KCNK9: variants seen among roughly 807,000 people sequenced by gnomAD.
KCNK9 encodes potassium channel subfamily K member 9.
A neutral mutation model predicts 10.8 loss-of-function variants in KCNK9; 1 was observed. That is an observed-to-expected ratio of 0.09 (90% CI 0.03 to 0.44). The LOEUF (loss-of-function observed/expected upper bound fraction) is 0.44. Among genes scored for constraint, KCNK9 ranks in the 20% least tolerant of loss-of-function variants. The pLI is 0.97. For synonymous variants in KCNK9, 231 were observed against 222.7 expected (o/e 1.04, Z -0.33); for missense variants, 303 against 515.0 (o/e 0.59, Z 3.98).
In KCNK9 at chr8:139,618,337, G is replaced by A. The variant is rs866844688; in HGVS notation, c.1046C>T (p.Ser349Leu). 4 of 1,614,180 alleles carry A rather than the reference G, an allele frequency of 2.5e-6. No individual in the cohort carries two copies. Among genetic ancestry groups the A allele is most frequent in the Non-Finnish European group, 3.4e-6 (4 of 1,180,026 alleles). ...CCCAGGAGAGATGGAGCTAATAGGC[G>A]ATGGGAAGAGGCTGTTTTTTAATGT... ...PSTLKNSLFP[S>L]PISSISPGLH... Residue 349 changes from serine to leucine, a missense_variant, in exon 2 of 2, where the codon TCG becomes TTG. By Grantham distance (145) the Ser-to-Leu change is moderately radical. Transcript: ENST00000520439. The surrounding 1 kb of genome is among the most constrained non-coding windows in gnomAD (Gnocchi z 7.9).
chr8:139,678,412 G>A (rs761813725), intron 1 of KCNK9, among the ~76,000 whole-genome samples: 4 of 152,208 alleles, frequency 2.6e-5, no homozygotes, highest in Admixed American at 2.0e-4. Flanking sequence ...CTCTTAGGAA[G>A]CCCCACTCCT....
chr8:139,696,128 G>C (rs1258963417), intron 1 of KCNK9, among the ~76,000 whole-genome samples: 1 of 152,046 alleles, frequency 6.6e-6, no homozygotes, highest in East Asian at 1.9e-4. Context: ...CTCCTCACCA[G>C]ATCAGAACCC....
At chr8:139,630,465 G>A (rs1025816843) in intron 1 of KCNK9, among the ~76,000 whole-genome samples, 3 of 152,148 alleles carry the variant, frequency 2.0e-5, no homozygotes, top group Non-Finnish European at 2.9e-5. Context: ...CCTAATCCTA[G>A]AGCCACACAG....
At chr8:139,691,866 A>G (rs924283629) in intron 1 of KCNK9, among the ~76,000 whole-genome samples, 31 of 152,220 alleles carry the variant, frequency 2.0e-4, no homozygotes, top group African/African-American at 7.5e-4. Context: ...GAGAAGCAGC[A>G]TGCCCCATTT....
chr8:139,665,179 CA>C (rs1816267939), intron 1 of KCNK9, among the ~76,000 whole-genome samples: 1 of 152,208 alleles, frequency 6.6e-6, no homozygotes, highest in South Asian at 2.1e-4. Flanking sequence ...AGCTAAAAAT[CA>C]AGGGGTCGCA....
downstream of KCNK9, among the ~76,000 whole-genome samples, chr8:139,611,115 T>C (rs1354438407): frequency 6.6e-6 from 1 of 152,224 alleles, no homozygotes; most frequent in Non-Finnish European, 1.5e-5. Flanking sequence ...TCAAGTCCAA[T>C]GCCCCCAGAG....
chr8:139,662,006 C>A (rs1162473936), intron 1 of KCNK9, among the ~76,000 whole-genome samples: 1 of 152,206 alleles, frequency 6.6e-6, no homozygotes, highest in African/African-American at 2.4e-5. Context: ...TCGAGAGGGG[C>A]TCAGGTCAGG....
chr8:139,605,390 A>G (rs951255603), intron 2 of KCNK9, among the ~76,000 whole-genome samples: 2 of 152,216 alleles, frequency 1.3e-5, no homozygotes, highest in African/African-American at 2.4e-5. Flanking sequence ...GTCAGCACAT[A>G]AAGTCCAAAA....
At chr8:139,601,303 C>T (rs962931121) in exon 3 of KCNK9, 5 of 152,206 alleles carry the variant, frequency 3.3e-5, no homozygotes, top group African/African-American at 9.7e-5. Context: ...GCTATGCCAG[C>T]GAGCCAGGCA....
intron 1 of KCNK9, among the ~76,000 whole-genome samples, chr8:139,656,743 C>T (rs546813834): frequency 1.3e-5 from 2 of 152,358 alleles, no homozygotes; most frequent in East Asian, 3.9e-4. Context: ...CTCCTAGTTT[C>T]CATGCAGAAG....
At chr8:139,620,837 T>A (rs1034875429) in intron 1 of KCNK9, among the ~76,000 whole-genome samples, 2 of 152,002 alleles carry the variant, frequency 1.3e-5, no homozygotes, top group Non-Finnish European at 2.9e-5. Context: ...GAAGCTGAAA[T>A]AATAGATATA....
chr8:139,674,408 G>A (rs888871866), intron 1 of KCNK9, among the ~76,000 whole-genome samples: 13 of 152,194 alleles, frequency 8.5e-5, no homozygotes, highest in Admixed American at 4.6e-4. Flanking sequence ...TGTCTGAGCC[G>A]CTCCGAGGGC....
chr8:139,635,079 G>T (rs1815298600), intron 1 of KCNK9, among the ~76,000 whole-genome samples: 1 of 152,338 alleles, frequency 6.6e-6, no homozygotes, highest in South Asian at 2.1e-4. Flanking sequence ...GCAGGAGCAG[G>T]CAGTCCTGTC....
intron 1 of KCNK9, among the ~76,000 whole-genome samples, chr8:139,648,352 G>A (rs1476216242): frequency 2.0e-5 from 3 of 152,162 alleles, no homozygotes; most frequent in Non-Finnish European, 4.4e-5. Flanking sequence ...CAGAGGTGAT[G>A]GTTGCAAGAC....
At chr8:139,699,484 G>A (rs1020211995) in intron 1 of KCNK9, among the ~76,000 whole-genome samples, 6 of 152,142 alleles carry the variant, frequency 3.9e-5, no homozygotes, top group Admixed American at 2.0e-4. Context: ...TACCTACGAG[G>A]GTCTCCCATG....
chr8:139,622,237 A>G (rs1814809120), intron 1 of KCNK9, among the ~76,000 whole-genome samples: 1 of 152,166 alleles, frequency 6.6e-6, no homozygotes, highest in African/African-American at 2.4e-5. Context: ...CCATTAACAC[A>G]TTTCCTGTGG....
rs746763148 is a variant in KCNK9 at position 139,618,425 on chromosome 8, C to T, written c.958G>A (p.Ala320Thr). The T allele has an allele frequency of 9.3e-6, 15 of 1,614,142 alleles. No homozygotes were observed. Among genetic ancestry groups the T allele is most frequent in the South Asian group, 3.3e-5 (3 of 91,072 alleles). ...TGGAAGTAGTGGGGGGCAAGCTTGG[C>T]GCTGAAGGAGTTCTGCGGTGCCACC... ...RSVAPQNSFS[A>T]KLAPHYFHSI... The change falls in exon 2 of 2, where the codon GCC (alanine) becomes ACC (threonine). Residue 320 changes from alanine to threonine, a missense_variant. Ala to Thr is a moderately conservative substitution (Grantham distance 58, BLOSUM62 0). Transcript: ENST00000520439. This position sits in a 1 kb window ranked among gnomAD's most constrained non-coding sequence, Gnocchi z 7.9.
chr8:139,703,118 G>A lies in KCNK9; in HGVS notation c.-126C>T. 1 of 694,838 alleles carries A rather than the reference G, an allele frequency of 1.4e-6. No individual in the cohort carries two copies. The highest frequency in any genetic ancestry group is 2.0e-6 in the Non-Finnish European group (1 of 510,064). 43.0% of individuals were successfully genotyped at this position (694,838 alleles called of 1,614,324 possible). A position where few individuals can be genotyped will look rare whatever the true frequency, so the allele number is the denominator to read the frequency against. ...CCGCCGCCGCCGCCGCCTCCAAGTT[G>A]TAAGCGGCGGCGGCAGCAGCAGCAG... On this transcript the variant is annotated 5_prime_UTR_variant, in exon 1 of 2. Coordinates refer to ENST00000520439, the MANE Select transcript of KCNK9 (RefSeq NM_001282534.2). The surrounding 1 kb of genome is among the most constrained non-coding windows in gnomAD (Gnocchi z 6.4).
At chr8:139,699,420 C>A (rs535046027) in intron 1 of KCNK9, among the ~76,000 whole-genome samples, 1 of 151,816 alleles carries the variant, frequency 6.6e-6, no homozygotes, top group East Asian at 1.9e-4. Flanking sequence ...GGTGGTGGGG[C>A]GGGGGTTGGG....
Sources: gnomAD v4.1 joint callset for allele counts (sites outside exome capture counted in the v4.1 genomes callset) on GRCh38, gnomAD v4.1.1 for gene constraint, Gnocchi (gnomAD v3.1) non-coding constraint, MANE v1.5 for transcripts, NCBI Gene and HGNC (gene_info 2026-07-23, HGNC 2026-07-21) for gene names.